The following HHIP variants were observed in gnomAD, a reference collection of about 807,000 sequenced individuals.
HHIP encodes hedgehog-interacting protein.
HHIP carries 12 observed loss-of-function variants against 74.0 expected under a neutral mutation model. That is an observed-to-expected ratio of 0.16 (90% CI 0.10 to 0.26). The LOEUF (loss-of-function observed/expected upper bound fraction) is 0.26. Among genes scored for constraint, HHIP ranks in the 10% least tolerant of loss-of-function variants. The pLI, the probability that HHIP is intolerant of heterozygous loss-of-function variation, is 1.00. For synonymous variants in HHIP, 309 were observed against 311.6 expected (o/e 0.99, Z 0.09); for missense variants, 788 against 845.0 (o/e 0.93, Z 0.84).
chr4:144,720,676 G>A (rs1375220680), intron 11 of HHIP, among the ~76,000 whole-genome samples: 1 of 152,012 alleles, frequency 6.6e-6, no homozygotes, highest in Admixed American at 6.6e-5. Flanking sequence ...CATGTGGGGG[G>A]CCCGGGTTAA....
chr4:144,704,429 C>T (rs983742752), intron 4 of HHIP, among the ~76,000 whole-genome samples: 11 of 152,092 alleles, frequency 7.2e-5, no homozygotes, highest in African/African-American at 1.7e-4. Flanking sequence ...CAAAAATGCC[C>T]CCAAAGTCAT....
intron 4 of HHIP, among the ~76,000 whole-genome samples, chr4:144,684,940 T>C (rs937359994): frequency 3.3e-5 from 5 of 152,206 alleles, no homozygotes; most frequent in Non-Finnish European, 7.3e-5. Flanking sequence ...ACTGATACTC[T>C]CTACCATTAT....
intron 4 of HHIP, among the ~76,000 whole-genome samples, chr4:144,660,890 A>T (rs1258621396): frequency 6.6e-6 from 1 of 152,200 alleles, no homozygotes; most frequent in Non-Finnish European, 1.5e-5. Context: ...TGAGTTGAAG[A>T]TTATAACCAT....
At chr4:144,712,190 G>C (rs1214930281) in intron 8 of HHIP, 119 bp downstream of exon 8, 1 of 852,754 alleles carries the variant, frequency 1.2e-6, no homozygotes, top group African/African-American at 1.7e-5. Context: ...AAAAACACTG[G>C]CCTAACAATC....
At chr4:144,705,930 T>G (rs1040381124) in intron 4 of HHIP, among the ~76,000 whole-genome samples, 1 of 152,346 alleles carries the variant, frequency 6.6e-6, no homozygotes, top group East Asian at 1.9e-4. Flanking sequence ...AAGGGATTCA[T>G]GTAAAACTGC....
rs1158502965 is a variant in HHIP at position 144,708,246 on chromosome 4, C to T, written c.1236C>T (p.Asn412=). 6.2e-7 allele frequency: 1 copy of T among 1,613,978 alleles called. No individual in the cohort carries two copies. The highest frequency in any genetic ancestry group is 8.5e-7 in the Non-Finnish European group (1 of 1,179,994). ...CNVPYSIPRS[N]PHFNSTNQPP... Reference sequence around the variant, plus strand: ...TGCCTTATTCCATACCAAGGAGCAACCCACACTTCAACAGCACCAACCAGC... The same window carrying T: ...TGCCTTATTCCATACCAAGGAGCAATCCACACTTCAACAGCACCAACCAGC... The change falls in exon 7 of 13, where the codon AAC becomes AAT. Residue 412 remains asparagine, a synonymous_variant. Transcript: ENST00000296575.
At chr4:144,656,246 A>C (rs1416536148) in intron 2 of HHIP, among the ~76,000 whole-genome samples, 1 of 152,222 alleles carries the variant, frequency 6.6e-6, no homozygotes, top group Non-Finnish European at 1.5e-5. Context: ...TTTAAGTAAA[A>C]ATCTTCTGAG....
rs145081124 is a variant in HHIP, at chr4:144,719,311, C to T, written c.1760+355C>T. Reference sequence around the variant, plus strand: ...TAAACCCTCCTTATTGTTAAGAAAACGAGAAACATACTGGCAGACATGACA... The same window carrying T: ...TAAACCCTCCTTATTGTTAAGAAAATGAGAAACATACTGGCAGACATGACA... On this transcript the variant is annotated intron_variant, in intron 11 of 12. Transcript: ENST00000296575. Among the ~76,000 whole-genome samples the T allele has an allele frequency of 2.0e-3, 298 of 152,202 alleles. 2 individuals are homozygous for T. The highest frequency in any genetic ancestry group is 6.5e-3 in the African/African-American group (271 of 41,532).
intron 4 of HHIP, among the ~76,000 whole-genome samples, chr4:144,703,703 G>A (rs181420075): frequency 6.6e-6 from 1 of 152,284 alleles, no homozygotes; most frequent in East Asian, 1.9e-4. Flanking sequence ...ACAGGAGGCT[G>A]GGAGGTCTGG....
chr4:144,696,509 G>A (rs1729822125), intron 4 of HHIP, among the ~76,000 whole-genome samples: 1 of 151,836 alleles, frequency 6.6e-6, no homozygotes, highest in Non-Finnish European at 1.5e-5. Context: ...TTTCAAAACT[G>A]CCTCAGTTCA....
chr4:144,692,655 G>T (rs6812830), intron 4 of HHIP, among the ~76,000 whole-genome samples: 8 of 151,840 alleles, frequency 5.3e-5, no homozygotes, highest in Non-Finnish European at 5.9e-5. Context: ...GTTGAAATAC[G>T]TATTTATGTA....
At chr4:144,730,954 T>G (rs1342602770) in intron 11 of HHIP, among the ~76,000 whole-genome samples, 1 of 152,208 alleles carries the variant, frequency 6.6e-6, no homozygotes, top group East Asian at 1.9e-4. Flanking sequence ...CAATCCTCTC[T>G]CTTTATCTCA....
chr4:144,715,532 G>T (rs1730425163), intron 10 of HHIP, 102 bp downstream of exon 10: 1 of 1,123,668 alleles, frequency 8.9e-7, no homozygotes, highest in Non-Finnish European at 1.3e-6. Flanking sequence ...TCCTCTACTT[G>T]TTGGAAATGT....
intron 4 of HHIP, among the ~76,000 whole-genome samples, chr4:144,690,040 T>C (rs1729602577): frequency 6.6e-6 from 1 of 152,186 alleles, no homozygotes; most frequent in Non-Finnish European, 1.5e-5. Flanking sequence ...ACTCGTGACC[T>C]CACCTGATCC....
At chr4:144,677,479 C>T (rs1729201646) in intron 4 of HHIP, among the ~76,000 whole-genome samples, 1 of 152,116 alleles carries the variant, frequency 6.6e-6, no homozygotes. Context: ...TAACAGATGC[C>T]ACTGGATTGG....
At chr4:144,671,961 G>A (rs1729051550) in intron 4 of HHIP, among the ~76,000 whole-genome samples, 1 of 152,006 alleles carries the variant, frequency 6.6e-6, no homozygotes, top group South Asian at 2.1e-4. Context: ...TCCAGCCCAG[G>A]CAACACTTCA....
At chr4:144,665,501 T>A (rs2126597813) in intron 4 of HHIP, among the ~76,000 whole-genome samples, 1 of 152,360 alleles carries the variant, frequency 6.6e-6, no homozygotes, top group East Asian at 1.9e-4. Context: ...AATGTCATTT[T>A]CAATTTTCAT....
At chr4:144,660,056 T>A in intron 4 of HHIP, 1 of 556,466 alleles carries the variant, frequency 1.8e-6, no homozygotes, top group Non-Finnish European at 3.2e-6. Flanking sequence ...ATCGAATTGA[T>A]ATTTGACATG....
intron 11 of HHIP, among the ~76,000 whole-genome samples, chr4:144,721,267 A>G (rs1447416776): frequency 6.6e-6 from 1 of 151,968 alleles, no homozygotes; most frequent in Admixed American, 6.6e-5. Context: ...TGTTTTTCCT[A>G]TTTTTCCCTA....
Sources: allele counts gnomAD v4.1 joint callset (sites outside exome capture counted in the v4.1 genomes callset), GRCh38; gene constraint gnomAD v4.1.1; transcripts MANE v1.5; gene names NCBI Gene and HGNC (gene_info 2026-07-23, HGNC 2026-07-21).